Variants in DNAJC3 observed in about 807,000 individuals in gnomAD.
The protein encoded by DNAJC3 is dnaJ homolog subfamily C member 3.
A neutral mutation model predicts 68.6 loss-of-function variants in DNAJC3; 38 were observed. That is an observed-to-expected ratio of 0.55 (90% CI 0.43 to 0.73). DNAJC3 has a LOEUF of 0.73. Ranked by LOEUF, DNAJC3 falls within the 30% of genes least tolerant of loss-of-function variation. DNAJC3 has a pLI of 0.00. For missense variants in DNAJC3, 526 were observed against 591.9 expected (o/e 0.89, Z 1.16); for synonymous variants, 203 against 204.0 (o/e 1.00, Z 0.04).
chr13:95,697,786 G>GTTTTTTT (rs35414850), intron 1 of DNAJC3, among the ~76,000 whole-genome samples: 2 of 112,294 alleles, frequency 1.8e-5, no homozygotes, highest in African/African-American at 6.9e-5. Flanking sequence ...CCTTCAAGAA[G>GTTTTTTT]TTTTTTTTTT....
At chr13:95,710,706 A>G (rs1385865555) in intron 2 of DNAJC3, among the ~76,000 whole-genome samples, 1 of 150,542 alleles carries the variant, frequency 6.6e-6, no homozygotes, top group Non-Finnish European at 1.5e-5. Context: ...TTTGTTTTTG[A>G]GACAGGATCT....
At chr13:95,773,731 C>CTCTTTTT (rs1359420907) in intron 9 of DNAJC3, among the ~76,000 whole-genome samples, 28 of 71,340 alleles carry the variant, frequency 3.9e-4, no homozygotes, top group African/African-American at 1.6e-3. Context: ...TTTTGTTGGT[C>CTCTTTTT]TTTTTTTTTT....
intron 1 of DNAJC3, among the ~76,000 whole-genome samples, chr13:95,683,679 C>T (rs1787310089): frequency 6.6e-6 from 1 of 151,860 alleles, no homozygotes; most frequent in Non-Finnish European, 1.5e-5. Flanking sequence ...GTAATCCCAG[C>T]ACTTTGGGAG....
intron 6 of DNAJC3, among the ~76,000 whole-genome samples, 195 bp downstream of exon 6, chr13:95,760,416 G>T (rs1882788372): frequency 6.6e-6 from 1 of 152,068 alleles, no homozygotes. Context: ...TCATGAAGCT[G>T]CTTATTAAAC....
chr13:95,760,580 T>A, intron 6 of DNAJC3, 99 bp from the exon 7 acceptor site: 2 of 1,448,734 alleles, frequency 1.4e-6, no homozygotes, highest in Non-Finnish European at 1.8e-6. Context: ...TTTTGTTTAA[T>A]CGTTGCAAAC....
intron 9 of DNAJC3, among the ~76,000 whole-genome samples, chr13:95,779,248 T>G (rs529699795): frequency 2.7e-5 from 4 of 150,522 alleles, no homozygotes; most frequent in Non-Finnish European, 5.9e-5. Flanking sequence ...CTCAGCCTCC[T>G]GAGTAGCTGG....
chr13:95,715,137 A>G (rs1054873306), intron 2 of DNAJC3, among the ~76,000 whole-genome samples: 1 of 152,236 alleles, frequency 6.6e-6, no homozygotes, highest in Non-Finnish European at 1.5e-5. Flanking sequence ...CTGTAATTCT[A>G]GCACTTTGAG....
chr13:95,779,306 A>G lies in DNAJC3; in HGVS notation c.1076-6633A>G, dbSNP rs546174146. ...ACCCGGCTAATTTTTTCTATTTTTT[A>G]GTAGAGACGGGGTTTCACCGTGTTA... On this transcript the variant is annotated intron_variant, in intron 9 of 11. Coordinates refer to ENST00000602402, the MANE Select transcript of DNAJC3 (RefSeq NM_006260.5). 6.6e-5 allele frequency among the ~76,000 whole-genome samples: 10 copies of G among 151,568 alleles called. No individual in the cohort carries two copies. In the South Asian group the frequency reaches 1.0e-3, roughly 16 times the overall value.
At chr13:95,687,884 G>A (rs1473154856) in intron 1 of DNAJC3, among the ~76,000 whole-genome samples, 1 of 152,168 alleles carries the variant, frequency 6.6e-6, no homozygotes, top group Non-Finnish European at 1.5e-5. Context: ...CCATTTTAAT[G>A]ATATTGATTC....
chr13:95,774,607 C>G (rs187610977), intron 9 of DNAJC3, among the ~76,000 whole-genome samples: 43 of 152,284 alleles, frequency 2.8e-4, no homozygotes, highest in Admixed American at 2.6e-4. Context: ...ACTTTCCTGT[C>G]TGTCTTTAAT....
intron 1 of DNAJC3, among the ~76,000 whole-genome samples, chr13:95,688,058 T>A (rs1880116221): frequency 6.6e-6 from 1 of 152,236 alleles, no homozygotes; most frequent in African/African-American, 2.4e-5. Context: ...TGGGATTTTG[T>A]TATTGATTTG....
At position 95,685,836 on chromosome 13, in the gene DNAJC3, G is replaced by A. The variant is rs137876553; in HGVS notation, c.82+8499G>A. On this transcript the variant is annotated intron_variant, in intron 1 of 11. Transcript: ENST00000602402. ...TTTAGTAATAGCCACTCAGACTTGTGTAAGATGATTGATATTTCATTGTGG... is the reference window on the plus strand; with the variant it reads ...TTTAGTAATAGCCACTCAGACTTGTATAAGATGATTGATATTTCATTGTGG... Among the ~76,000 whole-genome samples the A allele has an allele frequency of 1.1e-3, 165 of 151,610 alleles. 1 individual carries two copies. Among genetic ancestry groups the A allele is most frequent in the African/African-American group, 3.8e-3 (155 of 41,278 alleles).
intron 1 of DNAJC3, chr13:95,695,143 G>T (rs766245607): frequency 6.6e-6 from 1 of 152,076 alleles, no homozygotes; most frequent in African/African-American, 2.4e-5. Flanking sequence ...CATTATAGCC[G>T]TAGCAATTCT....
intron 4 of DNAJC3, among the ~76,000 whole-genome samples, chr13:95,751,697 A>G (rs903718820): frequency 1.3e-5 from 2 of 152,232 alleles, no homozygotes; most frequent in African/African-American, 4.8e-5. Context: ...TGTTACAATT[A>G]GGAGACATTA....
In DNAJC3 at chr13:95,790,898, A is replaced by G. The variant is rs759036116; in HGVS notation, c.1383A>G (p.Gly461=). Residue 461 remains glycine, a synonymous_variant, in exon 12 of 12, where the codon GGA becomes GGG. Coordinates refer to ENST00000602402, the MANE Select transcript of DNAJC3 (RefSeq NM_006260.5). ...DPEMRKKFDD[G]EDPLDAESQQ... ...AAATGAGAAAGAAGTTTGACGACGG[A>G]GAAGATCCTTTGGATGCAGAGAGCC... 6.2e-7 allele frequency: 1 copy of G among 1,607,656 alleles called. No homozygotes were observed. The highest frequency in any genetic ancestry group is 8.5e-7 in the Non-Finnish European group (1 of 1,178,658).
At chr13:95,767,691 G>GTTTTTTT (rs796243780) in intron 9 of DNAJC3, among the ~76,000 whole-genome samples, 70 of 135,794 alleles carry the variant, frequency 5.2e-4, no homozygotes, top group African/African-American at 1.8e-3. Context: ...AGTTTTTTGG[G>GTTTTTTT]TTTTTTTTTT....
Position 95,792,449 on chromosome 13 carries a change from C to CTAAT in DNAJC3, c.*1421_*1424dup, listed in dbSNP as rs1253763978. ...TGAAGTGTTTTAACCATTAAAGGGTCTAATTTTTTTTTCTTAATGAAATCA... is the reference window on the plus strand; with the variant it reads ...TGAAGTGTTTTAACCATTAAAGGGTCTAATTAATTTTTTTTTCTTAATGAAATCA... On this transcript the variant is annotated 3_prime_UTR_variant, in exon 12 of 12. Transcript: ENST00000602402. The CTAAT allele has an allele frequency of 6.6e-6, 1 of 152,116 alleles. No individual in the cohort carries two copies. Among genetic ancestry groups the CTAAT allele is most frequent in the African/African-American group, 2.4e-5 (1 of 41,414 alleles). The allele number at this position is 152,116 out of a possible 1,614,324, so 9.4% of individuals were successfully genotyped here.
chr13:95,785,452 CTTTTTTTTTTTTTTT>C, intron 9 of DNAJC3, among the ~76,000 whole-genome samples: 1 of 77,948 alleles, frequency 1.3e-5, no homozygotes, highest in Admixed American at 1.9e-4. Flanking sequence ...CCTTTTAAAC[CTTTTTTTTTTTTTTT>C]TTTTTTTTTG....
intron 4 of DNAJC3, among the ~76,000 whole-genome samples, chr13:95,757,338 A>T (rs1054050651): frequency 6.6e-6 from 1 of 152,188 alleles, no homozygotes; most frequent in Non-Finnish European, 1.5e-5. Flanking sequence ...GAAAGTGAAA[A>T]ACGTGCTTTC....
Sources: allele counts gnomAD v4.1 joint callset (sites outside exome capture counted in the v4.1 genomes callset), GRCh38; gene constraint gnomAD v4.1.1; transcripts MANE v1.5; gene names NCBI Gene and HGNC (gene_info 2026-07-23, HGNC 2026-07-21).